Variants in GLIS3 observed in about 807,000 individuals in gnomAD.
GLIS3 encodes GLIS family zinc finger 3.
A neutral mutation model predicts 78.6 loss-of-function variants in GLIS3; 53 were observed. The ratio of observed to expected loss-of-function variants is 0.67; its 90% CI spans 0.54 to 0.85. The LOEUF is 0.85. Among genes scored for constraint, GLIS3 ranks in the 40% least tolerant of loss-of-function variants. The pLI, the probability that GLIS3 is intolerant of heterozygous loss-of-function variation, is 0.00. For synonymous variants in GLIS3, 684 were observed against 509.9 expected, an observed-to-expected ratio of 1.34 and a Z score of -4.60; for missense variants, 1,703 against 1,231.1, an observed-to-expected ratio of 1.38 and a Z score of -5.74.
intron 1 of GLIS3, chr9:4,298,335 G>C (rs773696765): frequency 2.2e-6 from 1 of 455,276 alleles, no homozygotes; most frequent in Non-Finnish European, 4.4e-6. Context: ...GTCGGAGGGC[G>C]CGAACGCGGA....
At chr9:4,166,931 G>C (rs1815896554) in intron 2 of GLIS3, among the ~76,000 whole-genome samples, 1 of 152,126 alleles carries the variant, frequency 6.6e-6, no homozygotes, top group African/African-American at 2.4e-5. Flanking sequence ...ACTAAACCAA[G>C]GTTAAAAACA....
At chr9:4,455,958 C>G in the GLIS3 span, among the ~76,000 whole-genome samples, 4 of 151,798 alleles carry the variant, frequency 2.6e-5, no homozygotes, top group African/African-American at 7.3e-5. Flanking sequence ...ATTAAAAATA[C>G]AAAAAATTAG....
chr9:4,301,592 T>C (rs916970047), upstream of GLIS3, among the ~76,000 whole-genome samples: 5 of 152,214 alleles, frequency 3.3e-5, no homozygotes, highest in African/African-American at 1.2e-4. Context: ...TTCATCAGAT[T>C]CTTGTGCTGT....
rs1407852264 is a variant in GLIS3, at chr9:3,867,978, C to T, written c.2297+11449G>A. Reference sequence around the variant, plus strand: ...ATGATGACATGGCACAAGGTGAGCCCCCAGAGGGGACACTACCAGAGGATG... The same window carrying T: ...ATGATGACATGGCACAAGGTGAGCCTCCAGAGGGGACACTACCAGAGGATG... On this transcript the variant is annotated intron_variant, in intron 8 of 10. Coordinates refer to ENST00000381971, the MANE Select transcript of GLIS3 (RefSeq NM_001042413.2). Among the ~76,000 whole-genome samples the T allele has an allele frequency of 2.0e-5, 3 of 152,046 alleles. No individual in the cohort carries two copies. In the South Asian group the frequency reaches 6.2e-4, roughly 32 times the overall value.
At chr9:4,343,356 A>G (rs1433978968) in intron 2 of GLIS3, among the ~76,000 whole-genome samples, 4 of 152,152 alleles carry the variant, frequency 2.6e-5, no homozygotes, top group African/African-American at 9.7e-5. Context: ...AAACAAAACA[A>G]AACAATGAGA....
chr9:4,444,258 C>G, the GLIS3 span, among the ~76,000 whole-genome samples: 1 of 152,224 alleles, frequency 6.6e-6, no homozygotes, highest in African/African-American at 2.4e-5. Context: ...TCTTAATTCA[C>G]AAGAACAGCA....
At chr9:4,273,010 T>G (rs946774025) in intron 2 of GLIS3, among the ~76,000 whole-genome samples, 2 of 152,226 alleles carry the variant, frequency 1.3e-5, no homozygotes, top group African/African-American at 4.8e-5. Context: ...AGTGCATGTG[T>G]ATTGTGGTTT....
intron 4 of GLIS3, among the ~76,000 whole-genome samples, chr9:4,103,724 G>C (rs538028114): frequency 5.9e-5 from 9 of 152,276 alleles, no homozygotes; most frequent in African/African-American, 1.9e-4. Context: ...CCAATTTTAA[G>C]AGCATAAGAC....
intron 2 of GLIS3, among the ~76,000 whole-genome samples, chr9:4,283,033 C>T (rs2130306822): frequency 6.6e-6 from 1 of 152,124 alleles, no homozygotes; most frequent in East Asian, 1.9e-4. Context: ...GCATTTTTCT[C>T]CCTTCCCAGA....
At chr9:4,071,124 C>A (rs1322425458) in intron 4 of GLIS3, 1 of 152,174 alleles carries the variant, frequency 6.6e-6, no homozygotes, top group Non-Finnish European at 1.5e-5. Flanking sequence ...TAGCAATTAT[C>A]ACAAAGTAGT....
At chr9:4,264,503 T>C (rs1415752648) in intron 2 of GLIS3, among the ~76,000 whole-genome samples, 2 of 152,194 alleles carry the variant, frequency 1.3e-5, no homozygotes, top group Non-Finnish European at 2.9e-5. Context: ...CCTATCACAC[T>C]TGAAATCTCT....
At chr9:4,388,693 T>G in the GLIS3 span, among the ~76,000 whole-genome samples, 15 of 151,542 alleles carry the variant, frequency 9.9e-5, no homozygotes, top group African/African-American at 3.6e-4. Flanking sequence ...ATAAAAAAAA[T>G]AAAAATAAAG....
chr9:4,030,764 G>A (rs1322751699), intron 4 of GLIS3, among the ~76,000 whole-genome samples: 2 of 152,162 alleles, frequency 1.3e-5, no homozygotes, highest in African/African-American at 2.4e-5. Context: ...CTCGCTGAGA[G>A]GTCAACAAAG....
intron 2 of GLIS3, among the ~76,000 whole-genome samples, chr9:4,332,721 G>A (rs1456141333): frequency 6.6e-6 from 1 of 152,136 alleles, no homozygotes; most frequent in African/African-American, 2.4e-5. Context: ...CTAATAGGCG[G>A]GAGTCAGCCT....
intron 6 of GLIS3, among the ~76,000 whole-genome samples, chr9:3,907,356 G>A (rs943997574): frequency 4.6e-5 from 7 of 152,132 alleles, no homozygotes; most frequent in African/African-American, 1.7e-4. Flanking sequence ...TTTATGTAAA[G>A]GAAGCTACAA....
chr9:4,392,418 A>G, the GLIS3 span, among the ~76,000 whole-genome samples: 1 of 152,210 alleles, frequency 6.6e-6, no homozygotes. Flanking sequence ...TTAAAAAATA[A>G]TAACAAATGT....
the GLIS3 span, among the ~76,000 whole-genome samples, chr9:4,448,641 T>A: frequency 6.6e-6 from 1 of 152,234 alleles, no homozygotes; most frequent in Non-Finnish European, 1.5e-5. Context: ...ACATAACTTG[T>A]TCTGGACAAC....
the GLIS3 span, among the ~76,000 whole-genome samples, chr9:4,414,862 G>A: frequency 1.3e-5 from 2 of 151,836 alleles, no homozygotes; most frequent in South Asian, 4.2e-4. Flanking sequence ...CGAGAATCCT[G>A]TTAGGTCAGT....
intron 6 of GLIS3, among the ~76,000 whole-genome samples, chr9:3,924,506 G>A (rs1563854922): frequency 6.6e-6 from 1 of 152,216 alleles, no homozygotes; most frequent in Non-Finnish European, 1.5e-5. Flanking sequence ...ATGGCCACCT[G>A]CCTGGTATCC....
Sources: allele counts gnomAD v4.1 joint callset (sites outside exome capture counted in the v4.1 genomes callset), GRCh38; gene constraint gnomAD v4.1.1; transcripts MANE v1.5; gene names NCBI Gene and HGNC (gene_info 2026-07-23, HGNC 2026-07-21).